CSMD1: variants seen among roughly 807,000 people sequenced by gnomAD.
CSMD1 encodes the protein CUB and Sushi multiple domains 1.
In CSMD1, 213 loss-of-function variants were observed where a neutral mutation model predicts 417.5. The observed-to-expected ratio is 0.51, with a 90% CI of 0.46 to 0.57. CSMD1 has a LOEUF of 0.57. Among genes scored for constraint, CSMD1 ranks in the 20% least tolerant of loss-of-function variants. The pLI is 0.00. For missense variants in CSMD1, 6,923 were observed against 4,529.7 expected (o/e 1.53, Z -15.17); for synonymous variants, 2,862 against 1,736.8 (o/e 1.65, Z -16.11).
intron 1 of CSMD1, among the ~76,000 whole-genome samples, chr8:4,744,141 T>A (rs1810802258): frequency 1.3e-5 from 2 of 152,160 alleles, no homozygotes; most frequent in Non-Finnish European, 2.9e-5. Flanking sequence ...GGGACGCCAA[T>A]TTCTTTGGGT....
intron 1 of CSMD1, among the ~76,000 whole-genome samples, chr8:4,893,056 G>C (rs1474036763): frequency 6.6e-6 from 1 of 152,116 alleles, no homozygotes; most frequent in African/African-American, 2.4e-5. Context: ...CCAGGAATGA[G>C]GGCTGTGTCG....
intron 4 of CSMD1, among the ~76,000 whole-genome samples, 195 bp downstream of exon 4, chr8:4,031,710 T>C (rs1331039734): frequency 6.6e-6 from 1 of 152,214 alleles, no homozygotes; most frequent in Non-Finnish European, 1.5e-5. Flanking sequence ...CAATATTAAA[T>C]GTTATTACAC....
At chr8:3,395,926 T>G (rs1483214117) in intron 17 of CSMD1, among the ~76,000 whole-genome samples, 1 of 152,248 alleles carries the variant, frequency 6.6e-6, no homozygotes, top group African/African-American at 2.4e-5. Context: ...CATTATTCTA[T>G]GCAGAAGATG....
intron 5 of CSMD1, among the ~76,000 whole-genome samples, chr8:3,964,446 G>A (rs899823736): frequency 1.3e-5 from 2 of 152,126 alleles, no homozygotes; most frequent in South Asian, 2.1e-4. Flanking sequence ...GCCAGTGGAA[G>A]GAGACACAGG....
At chr8:3,697,900 G>C (rs1225287010) in intron 7 of CSMD1, among the ~76,000 whole-genome samples, 2 of 152,092 alleles carry the variant, frequency 1.3e-5, no homozygotes, top group African/African-American at 4.8e-5. Flanking sequence ...CGCAAAGTGA[G>C]TTTTTCCCTT....
intron 1 of CSMD1, among the ~76,000 whole-genome samples, chr8:4,696,724 AG>A (rs1461472637): frequency 6.6e-6 from 1 of 152,236 alleles, no homozygotes; most frequent in African/African-American, 2.4e-5. Context: ...CTATTTCACT[AG>A]TACCCAGAAT....
chr8:4,150,426 G>A (rs1796510699), intron 3 of CSMD1, among the ~76,000 whole-genome samples: 2 of 152,302 alleles, frequency 1.3e-5, no homozygotes, highest in South Asian at 2.1e-4. Flanking sequence ...TGGATGGCAG[G>A]CTTTTGACAA....
intron 3 of CSMD1, among the ~76,000 whole-genome samples, chr8:4,049,861 G>C (rs1171106048): frequency 1.3e-5 from 2 of 152,018 alleles, no homozygotes; most frequent in East Asian, 1.9e-4. Context: ...CTTCACTAAA[G>C]TCTTATTGAA....
At chr8:3,028,064 A>C (rs1275916050) in intron 51 of CSMD1, among the ~76,000 whole-genome samples, 1 of 152,204 alleles carries the variant, frequency 6.6e-6, no homozygotes, top group African/African-American at 2.4e-5. Context: ...ATCCCTGGGA[A>C]ATCAGAGAGA....
At chr8:3,686,630 G>A (rs780081836) in intron 7 of CSMD1, among the ~76,000 whole-genome samples, 26 of 152,140 alleles carry the variant, frequency 1.7e-4, no homozygotes, top group Non-Finnish European at 3.4e-4. Context: ...GAAGCCCAGG[G>A]ATATCTATAC....
chr8:3,882,748 T>C (rs143189610), intron 5 of CSMD1, among the ~76,000 whole-genome samples: 213 of 152,322 alleles, frequency 1.4e-3, no homozygotes, highest in African/African-American at 5.0e-3. Flanking sequence ...GTCACAAACA[T>C]AACTTTGTGT....
At chr8:3,941,451 T>G (rs767413531) in intron 5 of CSMD1, among the ~76,000 whole-genome samples, 60 of 152,274 alleles carry the variant, frequency 3.9e-4, no homozygotes, top group Non-Finnish European at 7.4e-4. Flanking sequence ...GATTGATTCC[T>G]GAAACACTAA....
intron 2 of CSMD1, among the ~76,000 whole-genome samples, chr8:4,457,622 A>G (rs1284005668): frequency 6.6e-6 from 1 of 152,144 alleles, no homozygotes; most frequent in Non-Finnish European, 1.5e-5. Context: ...AATGGAGCCA[A>G]TCATCATAAA....
chr8:4,260,232 G>A (rs903246354), intron 3 of CSMD1, among the ~76,000 whole-genome samples: 9 of 152,234 alleles, frequency 5.9e-5, no homozygotes, highest in South Asian at 2.1e-4. Context: ...CTACCTCTTT[G>A]CTATTTCAAC....
At chr8:3,575,119 A>T in intron 9 of CSMD1, 53 bp from the exon 10 acceptor site, 2 of 1,583,310 alleles carry the variant, frequency 1.3e-6, no homozygotes, top group Non-Finnish European at 8.6e-7. Context: ...TCAGTTTGGT[A>T]AAGACATAAC....
intron 51 of CSMD1, among the ~76,000 whole-genome samples, chr8:3,028,264 C>A (rs916428724): frequency 1.3e-5 from 2 of 152,186 alleles, no homozygotes; most frequent in African/African-American, 4.8e-5. Flanking sequence ...TCTCTCCTTA[C>A]CGGTGCTAAT....
At chr8:3,425,515 G>A (rs1189418258) in intron 12 of CSMD1, among the ~76,000 whole-genome samples, 1 of 150,092 alleles carries the variant, frequency 6.7e-6, no homozygotes, top group Non-Finnish European at 1.5e-5. Context: ...TTGAACCCAG[G>A]AGGTGGAGGT....
intron 2 of CSMD1, among the ~76,000 whole-genome samples, chr8:4,455,438 A>G (rs896670220): frequency 2.6e-5 from 4 of 152,154 alleles, no homozygotes; most frequent in African/African-American, 4.8e-5. Context: ...ATGATGGAGA[A>G]ATGATACAAG....
chr8:3,362,246 T>C (rs750496478), intron 20 of CSMD1, among the ~76,000 whole-genome samples: 6 of 152,132 alleles, frequency 3.9e-5, no homozygotes, highest in Non-Finnish European at 5.9e-5. Flanking sequence ...TAGCACAAAT[T>C]TTTCAAAGTG....
Sources: allele counts gnomAD v4.1 joint callset (sites outside exome capture counted in the v4.1 genomes callset), GRCh38; gene constraint gnomAD v4.1.1; transcripts MANE v1.5; gene names NCBI Gene and HGNC (gene_info 2026-07-23, HGNC 2026-07-21).